STX6: variants seen among roughly 807,000 people sequenced by gnomAD.
STX6 encodes syntaxin-6.
STX6 carries 23 observed loss-of-function variants against 38.0 expected under a neutral mutation model. The ratio of observed to expected loss-of-function variants is 0.60; its 90% CI spans 0.43 to 0.86. The LOEUF is 0.86. Among genes scored for constraint, STX6 ranks in the 40% least tolerant of loss-of-function variants. STX6 has a pLI of 0.00. For missense variants in STX6, 274 were observed against 312.9 expected (o/e 0.88, Z 0.94); for synonymous variants, 123 against 107.5 (o/e 1.14, Z -0.89).
intron 2 of STX6, 79 bp from the exon 3 acceptor site, chr1:181,002,779 T>C: frequency 5.3e-6 from 5 of 942,526 alleles, no homozygotes; most frequent in Non-Finnish European, 6.7e-6. Context: ...ATCTCTCACA[T>C]GCAAACAAAT....
At chr1:180,986,352 T>A (rs1030508332) in intron 6 of STX6, among the ~76,000 whole-genome samples, 1 of 152,232 alleles carries the variant, frequency 6.6e-6, no homozygotes, top group Non-Finnish European at 1.5e-5. Flanking sequence ...ACATGTAATA[T>A]AAAAATTATT....
intron 4 of STX6, 48 bp from the exon 5 acceptor site, chr1:180,990,157 T>C: frequency 1.9e-6 from 3 of 1,610,300 alleles, no homozygotes; most frequent in Non-Finnish European, 2.5e-6. Context: ...AAACAATTAC[T>C]ATCTCTGAAC....
chr1:180,990,119 A>G lies in STX6; in HGVS notation c.364-10T>C, dbSNP rs765227435. ...TGTCTCCCAGCAGTGCCTGTGTGAG[A>G]AGAACAACCAGAGGAGTCAGGAGAA... On this transcript the variant is annotated splice_polypyrimidine_tract_variant and intron_variant, in intron 4 of 7. Transcript: ENST00000258301. The G allele has an allele frequency of 6.2e-7, 1 of 1,612,634 alleles. No homozygotes were observed. Among genetic ancestry groups the G allele is most frequent in the Non-Finnish European group, 8.5e-7 (1 of 1,179,968 alleles).
rs1398106991 is a variant in STX6, at chr1:180,972,835, C to T, written c.*3735G>A. 1 of 218,296 alleles carries T rather than the reference C, an allele frequency of 4.6e-6. No homozygotes were observed. The highest frequency in any genetic ancestry group is 2.3e-5 in the African/African-American group (1 of 42,852). The allele number at this position is 218,296 out of a possible 1,614,324, so 13.5% of individuals were successfully genotyped here. A position where few individuals can be genotyped will look rare whatever the true frequency, so the allele number is the denominator to read the frequency against. ...CTCTGATCGGAGCTACTGAAAGGTA[C>T]CTGCTTTCAGCAAATTCTGGTTTGG... On this transcript the variant is annotated 3_prime_UTR_variant, in exon 8 of 8. Transcript: ENST00000258301.
chr1:180,987,251 T>C (rs756443403), intron 6 of STX6, among the ~76,000 whole-genome samples: 6 of 152,184 alleles, frequency 3.9e-5, no homozygotes, highest in Non-Finnish European at 8.8e-5. Flanking sequence ...TCACCTCACC[T>C]GGCTAGCATC....
At chr1:181,015,953 C>G (rs1195692928) in intron 1 of STX6, among the ~76,000 whole-genome samples, 1 of 152,242 alleles carries the variant, frequency 6.6e-6, no homozygotes, top group Non-Finnish European at 1.5e-5. Flanking sequence ...GCCATCGCAC[C>G]TGGCCCACAA....
rs567538885 is a variant in STX6 at position 181,019,274 on chromosome 1, T to C, written c.35+3365A>G. ...TTCTCACCCATGAGGCACCATTCCA[T>C]CACAATCACCACCATCAACAAAGAG... On this transcript the variant is annotated intron_variant, in intron 1 of 7. Coordinates refer to ENST00000258301, the MANE Select transcript of STX6 (RefSeq NM_005819.6). Among the ~76,000 whole-genome samples the C allele has an allele frequency of 9.3e-5, 14 of 150,296 alleles. No homozygotes were observed. The East Asian group carries it at 2.6e-3, about 27-fold the overall frequency.
At chr1:180,980,990 C>T (rs10753232) in intron 7 of STX6, among the ~76,000 whole-genome samples, 62,385 of 151,926 alleles carry the variant, frequency 0.41, 12,997 homozygotes, top group South Asian at 0.56. Flanking sequence ...ACTATGGAGA[C>T]AGTCAAAGGA....
At chr1:181,000,691 T>C (rs1286578514) in intron 3 of STX6, among the ~76,000 whole-genome samples, 1 of 152,154 alleles carries the variant, frequency 6.6e-6, no homozygotes, top group Non-Finnish European at 1.5e-5. Context: ...TTTGGATTCT[T>C]CTTTCCATTA....
chr1:180,997,154 T>C (rs1182886962), intron 3 of STX6, among the ~76,000 whole-genome samples: 1 of 152,214 alleles, frequency 6.6e-6, no homozygotes, highest in Non-Finnish European at 1.5e-5. Flanking sequence ...TAGAATAATA[T>C]CTTTTAGAAT....
intron 1 of STX6, among the ~76,000 whole-genome samples, chr1:181,011,207 T>G (rs1656389297): frequency 6.6e-6 from 1 of 152,224 alleles, no homozygotes; most frequent in Admixed American, 6.5e-5. Context: ...TAGTCGTTAT[T>G]TTACATTTTT....
chr1:180,972,746 T>C lies in STX6; in HGVS notation c.*3824A>G. The C allele has an allele frequency of 2.5e-6, 1 of 399,852 alleles. No homozygotes were observed. The highest frequency in any genetic ancestry group is 5.0e-6 in the Non-Finnish European group (1 of 200,424). The allele number at this position is 399,852 out of a possible 1,614,324, so 24.8% of individuals were successfully genotyped here. ...TGAATTCTTTTCAGGTTGTTTTATT[T>C]TCCTTTTCCGGAGACTTTTGTACAT... On this transcript the variant is annotated 3_prime_UTR_variant, in exon 8 of 8. Coordinates refer to ENST00000258301, the MANE Select transcript of STX6 (RefSeq NM_005819.6).
At chr1:180,991,257 G>T (rs1484963648) in intron 4 of STX6, among the ~76,000 whole-genome samples, 2 of 152,128 alleles carry the variant, frequency 1.3e-5, no homozygotes, top group East Asian at 3.8e-4. Context: ...GAGCTTCCAG[G>T]GGCCCAGAGC....
intron 4 of STX6, among the ~76,000 whole-genome samples, chr1:180,991,291 GTC>G (rs1342253755): frequency 6.6e-6 from 1 of 152,214 alleles, no homozygotes; most frequent in African/African-American, 2.4e-5. Flanking sequence ...GATGGTGACT[GTC>G]TCTGGTGTAA....
chr1:180,979,505 T>G (rs375953030), intron 7 of STX6, among the ~76,000 whole-genome samples: 1 of 152,102 alleles, frequency 6.6e-6, no homozygotes, highest in Non-Finnish European at 1.5e-5. Context: ...AAAAATGAAG[T>G]TGGAGGCAGA....
At chr1:180,987,398 A>T (rs1427057098) in intron 6 of STX6, among the ~76,000 whole-genome samples, 1 of 152,176 alleles carries the variant, frequency 6.6e-6, no homozygotes, top group Non-Finnish European at 1.5e-5. Flanking sequence ...ACCCCTCGCC[A>T]CTTACCCAAT....
chr1:180,980,098 T>C (rs909909616), intron 7 of STX6, among the ~76,000 whole-genome samples: 1 of 150,460 alleles, frequency 6.6e-6, no homozygotes, highest in African/African-American at 2.4e-5. Flanking sequence ...TCCCAGCTAC[T>C]TGAAAGGCTG....
intron 1 of STX6, among the ~76,000 whole-genome samples, chr1:181,015,941 G>A (rs1656543654): frequency 1.3e-5 from 2 of 152,212 alleles, no homozygotes; most frequent in African/African-American, 2.4e-5. Context: ...TTACAGGCAT[G>A]AGCCATCGCA....
intron 3 of STX6, among the ~76,000 whole-genome samples, chr1:180,995,948 AT>A (rs1571338241): frequency 6.6e-6 from 1 of 152,184 alleles, no homozygotes; most frequent in Non-Finnish European, 1.5e-5. Flanking sequence ...TGCTGTTGAC[AT>A]GGCTGTGTTC....
Sources: allele counts gnomAD v4.1 joint callset (sites outside exome capture counted in the v4.1 genomes callset), GRCh38; gene constraint gnomAD v4.1.1; transcripts MANE v1.5; gene names NCBI Gene and HGNC (gene_info 2026-07-23, HGNC 2026-07-21).